The following ATG7 variants were observed in gnomAD, a reference collection of about 807,000 sequenced individuals.
The protein encoded by ATG7 is autophagy related 7.
Under a neutral mutation model 82.4 loss-of-function variants are expected in ATG7, and 70 were observed. That is an observed-to-expected ratio of 0.85 (90% CI 0.70 to 1.04). The LOEUF (loss-of-function observed/expected upper bound fraction) is 1.04. Ranked by LOEUF, ATG7 falls within the 50% of genes least tolerant of loss-of-function variation. The probability of loss-of-function intolerance (pLI) is 0.00; values close to 1 mark genes in which losing one functional copy is unlikely to be tolerated. For missense variants in ATG7, 792 were observed against 864.3 expected (o/e 0.92, Z 1.05); for synonymous variants, 287 against 313.0 (o/e 0.92, Z 0.88).
chr3:11,356,366 T>C (rs1340755530), intron 14 of ATG7, among the ~76,000 whole-genome samples: 1 of 152,202 alleles, frequency 6.6e-6, no homozygotes, highest in Non-Finnish European at 1.5e-5. Flanking sequence ...GTGCCTGGGC[T>C]CATTCTTAGA....
chr3:11,414,597 T>A (rs915839528), intron 19 of ATG7, among the ~76,000 whole-genome samples: 62 of 152,304 alleles, frequency 4.1e-4, no homozygotes, highest in African/African-American at 1.4e-3. Flanking sequence ...AAAGGAGTGG[T>A]AAGGGGATTT....
intron 1 of ATG7, among the ~76,000 whole-genome samples, 163 bp from the exon 2 acceptor site, chr3:11,280,831 A>G (rs987340198): frequency 1.3e-5 from 2 of 152,238 alleles, no homozygotes; most frequent in African/African-American, 2.4e-5. Context: ...ATGTTGATAA[A>G]TATTCATTCA....
intron 5 of ATG7, chr3:11,304,426 C>CT (rs1445474902): frequency 6.6e-6 from 1 of 152,192 alleles, no homozygotes; most frequent in Non-Finnish European, 1.5e-5. Flanking sequence ...TCTGCGATTG[C>CT]TAGGGAAGTC....
chr3:11,467,304 C>G (rs556098366), intron 20 of ATG7, among the ~76,000 whole-genome samples: 28 of 152,326 alleles, frequency 1.8e-4, no homozygotes, highest in Admixed American at 1.7e-3. Flanking sequence ...CTTTGAACAA[C>G]TCACCTAACC....
downstream of ATG7, chr3:11,559,392 G>A: frequency 6.4e-7 from 1 of 1,560,148 alleles, no homozygotes; most frequent in Non-Finnish European, 8.7e-7. Context: ...TGCGCGATGG[G>A]GCAGTGCGAG....
chr3:11,551,511 T>G (rs2071779312), intron 20 of ATG7, among the ~76,000 whole-genome samples: 1 of 152,258 alleles, frequency 6.6e-6, no homozygotes, highest in Non-Finnish European at 1.5e-5. Context: ...GCAGCTGTTT[T>G]AGAGGCTTCA....
At chr3:11,368,250 AAAG>A (rs1212452849) in intron 18 of ATG7, among the ~76,000 whole-genome samples, 18 of 150,126 alleles carry the variant, frequency 1.2e-4, no homozygotes, top group South Asian at 2.1e-4. Context: ...AAAAAAAAAA[AAAG>A]AAGAAGAAGA....
chr3:11,330,345 ATTCT>A (rs909112694), intron 9 of ATG7, among the ~76,000 whole-genome samples: 7 of 152,192 alleles, frequency 4.6e-5, no homozygotes, highest in African/African-American at 1.4e-4. Context: ...CATTTATTCC[ATTCT>A]TTATTTATAT....
chr3:11,364,870 C>A, intron 18 of ATG7, 136 bp downstream of exon 18: 1 of 843,936 alleles, frequency 1.2e-6, no homozygotes, highest in Admixed American at 2.5e-5. Context: ...AATGGGAGAG[C>A]TTTCTGACCA....
chr3:11,447,514 A>G lies in ATG7; in HGVS notation c.2079+20588A>G, dbSNP rs146484426. 2.3e-3 allele frequency among the ~76,000 whole-genome samples: 357 copies of G among 152,082 alleles called. 1 individual carries two copies. Among genetic ancestry groups the G allele is most frequent in the African/African-American group, 8.3e-3 (346 of 41,460 alleles). ...ATTTATTGCTTAATGAAACCAGGTCATGAAATCTGGGCTTCAAGGACTCTA... is the reference window on the plus strand; with the variant it reads ...ATTTATTGCTTAATGAAACCAGGTCGTGAAATCTGGGCTTCAAGGACTCTA... On this transcript the variant is annotated intron_variant, in intron 20 of 20. Transcript: ENST00000693202.
At chr3:11,509,316 A>G (rs1291056444) in intron 20 of ATG7, among the ~76,000 whole-genome samples, 1 of 152,180 alleles carries the variant, frequency 6.6e-6, no homozygotes, top group African/African-American at 2.4e-5. Flanking sequence ...TTAAAGGGCC[A>G]GGCAGGCCCT....
At chr3:11,274,988 A>T (rs1366440575) in intron 1 of ATG7, among the ~76,000 whole-genome samples, 3 of 151,912 alleles carry the variant, frequency 2.0e-5, no homozygotes, top group African/African-American at 4.8e-5. Context: ...ACAGAAAAAG[A>T]CAAGCAGGGG....
At chr3:11,349,494 TC>T (rs1559447944) in intron 14 of ATG7, among the ~76,000 whole-genome samples, 1 of 152,176 alleles carries the variant, frequency 6.6e-6, no homozygotes, top group Non-Finnish European at 1.5e-5. Context: ...TGAGCTGTGA[TC>T]ATGCCATTTC....
At chr3:11,480,870 C>G (rs1053823496) in intron 20 of ATG7, among the ~76,000 whole-genome samples, 1 of 152,178 alleles carries the variant, frequency 6.6e-6, no homozygotes, top group African/African-American at 2.4e-5. Flanking sequence ...TCTCTTCTTC[C>G]CAGTCCAGCA....
chr3:11,462,605 A>AG (rs1185840830), intron 20 of ATG7, among the ~76,000 whole-genome samples: 2 of 152,100 alleles, frequency 1.3e-5, no homozygotes, highest in African/African-American at 4.8e-5. Flanking sequence ...ATGAAAGCAG[A>AG]GGAATTTTGC....
At chr3:11,381,845 G>A (rs990117245) in intron 19 of ATG7, among the ~76,000 whole-genome samples, 1 of 152,178 alleles carries the variant, frequency 6.6e-6, no homozygotes, top group South Asian at 2.1e-4. Context: ...CAGTAGAAAC[G>A]CAGCATTTAC....
rs1432234062 is a variant in ATG7 at position 11,519,973 on chromosome 3, CG to C, written c.2080-34836del. Reference sequence around the variant, plus strand: ...TGACAGATTTTTTGGGATCTTACCACGGAAATAGCTTTGGGGCCACCTTCAT... The same window carrying C: ...TGACAGATTTTTTGGGATCTTACCACGAAATAGCTTTGGGGCCACCTTCAT... On this transcript the variant is annotated intron_variant, in intron 20 of 20. Transcript: ENST00000693202. Among the ~76,000 whole-genome samples the C allele has an allele frequency of 1.5e-4, 23 of 152,246 alleles. No homozygotes were observed. In the East Asian group the frequency reaches 3.9e-3, roughly 26 times the overall value.
intron 20 of ATG7, among the ~76,000 whole-genome samples, chr3:11,543,841 C>T (rs1013830118): frequency 6.6e-5 from 10 of 151,964 alleles, no homozygotes; most frequent in Admixed American, 1.3e-4. Flanking sequence ...CCTCTGGGGA[C>T]GGGAGGGGGA....
chr3:11,497,993 A>ATT (rs1332613549), intron 20 of ATG7, among the ~76,000 whole-genome samples: 1 of 152,098 alleles, frequency 6.6e-6, no homozygotes, highest in Non-Finnish European at 1.5e-5. Context: ...GAGATTTAAT[A>ATT]TTTCTTTGCA....
Sources: gnomAD v4.1 joint callset for allele counts (sites outside exome capture counted in the v4.1 genomes callset) on GRCh38, gnomAD v4.1.1 for gene constraint, MANE v1.5 for transcripts, NCBI Gene and HGNC (gene_info 2026-07-23, HGNC 2026-07-21) for gene names.